Variants in AFG2A observed in about 807,000 individuals in gnomAD.
AFG2A encodes ATPase family gene 2 protein homolog A.
At chr4:123,275,918 G>C in the AFG2A span, among the ~76,000 whole-genome samples, 1 of 152,112 alleles carries the variant, frequency 6.6e-6, no homozygotes, top group African/African-American at 2.4e-5. Context: ...TTGACTCCAT[G>C]TCTTTGCTAT....
the AFG2A span, among the ~76,000 whole-genome samples, chr4:123,159,850 C>A: frequency 1.3e-5 from 2 of 152,152 alleles, no homozygotes; most frequent in Admixed American, 1.3e-4. Flanking sequence ...TCTTGAGACT[C>A]TCCTAGAATT....
the AFG2A span, among the ~76,000 whole-genome samples, chr4:123,271,594 A>G: frequency 6.6e-6 from 1 of 151,974 alleles, no homozygotes; most frequent in Admixed American, 6.6e-5. Context: ...TGCCAGCCCC[A>G]TTTTATGTAG....
the AFG2A span, among the ~76,000 whole-genome samples, chr4:123,121,882 TTTAAC>T: frequency 1.3e-4 from 20 of 152,244 alleles, no homozygotes; most frequent in Non-Finnish European, 2.4e-4. Flanking sequence ...ACCTTTTCCT[TTTAAC>T]TTATAAAAAG....
the AFG2A span, among the ~76,000 whole-genome samples, chr4:123,090,897 A>G: frequency 1.3e-5 from 2 of 152,252 alleles, no homozygotes; most frequent in Non-Finnish European, 2.9e-5. Context: ...TCTTGCATAC[A>G]AGTTATACAA....
At chr4:123,307,008 G>A in the AFG2A span, among the ~76,000 whole-genome samples, 4 of 152,212 alleles carry the variant, frequency 2.6e-5, no homozygotes, top group South Asian at 2.1e-4. Flanking sequence ...GAGCTTGAGC[G>A]ACCCAGGTTT....
At chr4:123,114,768 T>A in the AFG2A span, among the ~76,000 whole-genome samples, 2 of 152,320 alleles carry the variant, frequency 1.3e-5, no homozygotes, top group South Asian at 4.1e-4. Flanking sequence ...GTGTGCAGCA[T>A]TGACTGTGCT....
the AFG2A span, among the ~76,000 whole-genome samples, chr4:123,296,281 C>T: frequency 3.0e-4 from 45 of 151,920 alleles, no homozygotes; most frequent in East Asian, 5.4e-3. Flanking sequence ...CAGAGGGATG[C>T]AGGAAGCAAA....
the AFG2A span, among the ~76,000 whole-genome samples, chr4:123,094,713 A>G: frequency 6.6e-6 from 1 of 152,078 alleles, no homozygotes; most frequent in Non-Finnish European, 1.5e-5. Context: ...CACAGAATTG[A>G]AAAAGCAAAA....
the AFG2A span, among the ~76,000 whole-genome samples, chr4:123,065,587 C>T: frequency 6.6e-6 from 1 of 152,004 alleles, no homozygotes; most frequent in African/African-American, 2.4e-5. Context: ...GAATCTACCT[C>T]GACAGAGTTT....
the AFG2A span, among the ~76,000 whole-genome samples, chr4:122,967,706 T>A: frequency 6.6e-6 from 1 of 152,192 alleles, no homozygotes; most frequent in Non-Finnish European, 1.5e-5. Flanking sequence ...TCTTGCAGTA[T>A]TGCCGAGACT....
At chr4:123,241,602 T>G in the AFG2A span, among the ~76,000 whole-genome samples, 1 of 152,156 alleles carries the variant, frequency 6.6e-6, no homozygotes. Flanking sequence ...CTAAAAACTC[T>G]CAATAAACTA....
At chr4:123,027,570 T>C in the AFG2A span, among the ~76,000 whole-genome samples, 1 of 152,222 alleles carries the variant, frequency 6.6e-6, no homozygotes, top group South Asian at 2.1e-4. Flanking sequence ...TTGTTCATGG[T>C]TACTGGTTGT....
At chr4:122,993,056 G>A in the AFG2A span, among the ~76,000 whole-genome samples, 1 of 151,668 alleles carries the variant, frequency 6.6e-6, no homozygotes, top group African/African-American at 2.4e-5. Flanking sequence ...CACGATCTCA[G>A]CTTACTGCAG....
chr4:123,293,165 C>G, the AFG2A span, among the ~76,000 whole-genome samples: 2 of 152,308 alleles, frequency 1.3e-5, no homozygotes, highest in Admixed American at 6.5e-5. Context: ...TCCAGAAAGG[C>G]CATCCATAGG....
chr4:122,948,293 A>G, the AFG2A span, among the ~76,000 whole-genome samples: 1 of 151,730 alleles, frequency 6.6e-6, no homozygotes, highest in African/African-American at 2.4e-5. Flanking sequence ...AACGGGCTTG[A>G]GCAGTCCTTA....
the AFG2A span, among the ~76,000 whole-genome samples, chr4:122,998,046 T>C: frequency 2.6e-5 from 4 of 152,190 alleles, no homozygotes; most frequent in African/African-American, 4.8e-5. Flanking sequence ...TAGATATGAT[T>C]CCTTTATCAG....
At chr4:122,979,341 T>C in the AFG2A span, 4 of 1,614,202 alleles carry the variant, frequency 2.5e-6, no homozygotes, top group Non-Finnish European at 3.4e-6. Context: ...CAATGAATGA[T>C]ATCAGACCCA....
At chr4:123,182,466 A>G in the AFG2A span, among the ~76,000 whole-genome samples, 122 of 152,358 alleles carry the variant, frequency 8.0e-4, no homozygotes, top group African/African-American at 2.8e-3. Context: ...AGCTCTTAAC[A>G]TAGTGCCTCC....
chr4:123,181,378 A>G, the AFG2A span, among the ~76,000 whole-genome samples: 1 of 152,036 alleles, frequency 6.6e-6, no homozygotes, highest in Non-Finnish European at 1.5e-5. Flanking sequence ...TTTGGGAGGC[A>G]AGGTGGACAG....
Sources: gnomAD v4.1 joint callset for allele counts (sites outside exome capture counted in the v4.1 genomes callset) on GRCh38, gnomAD v4.1.1 for gene constraint, MANE v1.5 for transcripts, NCBI Gene and HGNC (gene_info 2026-07-23, HGNC 2026-07-21) for gene names.